The following LOXL2 variants were observed in gnomAD, a reference collection of about 807,000 sequenced individuals.
LOXL2 encodes the protein lysyl oxidase like 2.
LOXL2 carries 70 observed loss-of-function variants against 93.0 expected under a neutral mutation model. That is an observed-to-expected ratio of 0.75 (90% CI 0.62 to 0.92). The LOEUF (loss-of-function observed/expected upper bound fraction) is 0.92. Ranked by LOEUF, LOXL2 falls within the 40% of genes least tolerant of loss-of-function variation. LOXL2 has a pLI of 0.00. For missense variants in LOXL2, 973 were observed against 1,054.9 expected (o/e 0.92, Z 1.08); for synonymous variants, 438 against 413.2 (o/e 1.06, Z -0.73).
intron 12 of LOXL2, 95 bp downstream of exon 12, chr8:23,301,932 C>T: frequency 2.0e-6 from 3 of 1,491,860 alleles, no homozygotes; most frequent in South Asian, 1.2e-5. Flanking sequence ...AGCCTGACTT[C>T]CATGCCCCTG....
intron 1 of LOXL2, among the ~76,000 whole-genome samples, chr8:23,375,475 C>T (rs1455416170): frequency 6.6e-6 from 1 of 152,054 alleles, no homozygotes; most frequent in Non-Finnish European, 1.5e-5. Flanking sequence ...TTTTCCAATT[C>T]TGTGAAGAAA....
At chr8:23,387,748 G>A (rs1004034937) in intron 1 of LOXL2, among the ~76,000 whole-genome samples, 1 of 152,026 alleles carries the variant, frequency 6.6e-6, no homozygotes, top group Non-Finnish European at 1.5e-5. Flanking sequence ...TCAGGAGTTC[G>A]AGACCAGCCT....
intron 6 of LOXL2, among the ~76,000 whole-genome samples, chr8:23,322,817 C>T (rs1228430718): frequency 6.6e-6 from 1 of 152,206 alleles, no homozygotes; most frequent in East Asian, 1.9e-4. Context: ...GCATAGATAC[C>T]ACGCCCGTTA....
chr8:23,303,494 CA>C, intron 10 of LOXL2, 97 bp from the exon 11 acceptor site: 1 of 727,162 alleles, frequency 1.4e-6, no homozygotes, highest in Non-Finnish European at 2.4e-6. Context: ...GGAATACTTC[CA>C]GGGGACCAGA....
At chr8:23,400,409 G>A (rs146429591) in intron 1 of LOXL2, among the ~76,000 whole-genome samples, 210 of 151,816 alleles carry the variant, frequency 1.4e-3, no homozygotes, top group African/African-American at 4.4e-3. Context: ...CATATCTCAC[G>A]AGATTTACTT....
intron 4 of LOXL2, among the ~76,000 whole-genome samples, chr8:23,338,667 C>T (rs1172878177): frequency 6.6e-6 from 1 of 152,210 alleles, no homozygotes; most frequent in East Asian, 1.9e-4. Context: ...GGGAAAGGGA[C>T]ATGGGAAAGA....
intron 4 of LOXL2, among the ~76,000 whole-genome samples, chr8:23,339,643 G>C (rs1003907614): frequency 6.6e-6 from 1 of 152,186 alleles, no homozygotes; most frequent in Non-Finnish European, 1.5e-5. Context: ...TGCCAGGGAG[G>C]GGGTTTGCTT....
intron 1 of LOXL2, among the ~76,000 whole-genome samples, chr8:23,377,569 A>G (rs9774256): frequency 0.49 from 72,925 of 148,160 alleles, 18,523 homozygotes; most frequent in East Asian, 0.67. Context: ...ATTGTGTGGG[A>G]GTCTAAGTCT....
chr8:23,351,802 C>T (rs1479882139), intron 3 of LOXL2, among the ~76,000 whole-genome samples: 1 of 152,114 alleles, frequency 6.6e-6, no homozygotes, highest in African/African-American at 2.4e-5. Flanking sequence ...CATATAGACT[C>T]TTAGTAAATA....
intron 1 of LOXL2, among the ~76,000 whole-genome samples, chr8:23,377,638 A>G (rs899278678): frequency 9.9e-5 from 15 of 152,212 alleles, no homozygotes; most frequent in Non-Finnish European, 2.1e-4. Flanking sequence ...TTGGGTGCAT[A>G]TACATTTAAG....
intron 4 of LOXL2, among the ~76,000 whole-genome samples, chr8:23,334,009 C>T (rs1198147756): frequency 6.6e-6 from 1 of 152,198 alleles, no homozygotes; most frequent in Non-Finnish European, 1.5e-5. Context: ...ACCATGTTTA[C>T]CCTAACTCTT....
intron 3 of LOXL2, among the ~76,000 whole-genome samples, chr8:23,357,074 T>TTC (rs1225175542): frequency 9.8e-5 from 14 of 142,546 alleles, no homozygotes; most frequent in African/African-American, 3.3e-4. Context: ...TTCAGTCTTC[T>TTC]TTTTTTTTTT....
chr8:23,332,590 CA>C (rs1351808341), intron 5 of LOXL2, among the ~76,000 whole-genome samples: 7 of 114,814 alleles, frequency 6.1e-5, no homozygotes, highest in African/African-American at 2.0e-4. Flanking sequence ...ACATCCCCCC[CA>C]GACACCCCTC....
At chr8:23,348,694 G>A (rs1378305898) in intron 3 of LOXL2, among the ~76,000 whole-genome samples, 1 of 152,056 alleles carries the variant, frequency 6.6e-6, no homozygotes, top group Non-Finnish European at 1.5e-5. Context: ...CTGCTACCAC[G>A]GTGAAACCCC....
intron 1 of LOXL2, among the ~76,000 whole-genome samples, chr8:23,381,753 C>T (rs537533593): frequency 1.3e-4 from 20 of 152,290 alleles, no homozygotes; most frequent in South Asian, 1.0e-3. Context: ...TCTGGGTGAC[C>T]GCGCTGCCTC....
At chr8:23,302,602 C>A (rs1041687107) in intron 11 of LOXL2, among the ~76,000 whole-genome samples, 4 of 152,218 alleles carry the variant, frequency 2.6e-5, no homozygotes, top group Non-Finnish European at 5.9e-5. Context: ...GGTAAGAGGT[C>A]AACACCTGTC....
At chr8:23,378,098 T>C (rs9694908) in intron 1 of LOXL2, among the ~76,000 whole-genome samples, 7,059 of 152,294 alleles carry the variant, frequency 0.046, 521 homozygotes, top group African/African-American at 0.16. Context: ...TTTCCATGTT[T>C]AGTGCTTCCT....
Position 23,360,093 on chromosome 8 carries a change from T to G in LOXL2, c.528A>C (p.Ile176=), listed in dbSNP as rs145191527. 4.4e-6 allele frequency: 7 copies of G among 1,602,128 alleles called. No individual in the cohort carries two copies. The East Asian group carries it at 1.6e-4, about 36-fold the overall frequency. Residue 176 remains isoleucine, a synonymous_variant, in exon 3 of 14, where the codon ATA becomes ATC. Transcript: ENST00000389131. ...ACATCAAGAGCACATGACTTGCCTC[T>G]ATCTGGTTGATCAACGAATTGTCAA... ...FKFDNSLINQ[I]ENLNIQVEDI... is the part of the protein sequence containing the mutation.
intron 1 of LOXL2, among the ~76,000 whole-genome samples, chr8:23,377,123 G>A (rs1209428749): frequency 1.3e-5 from 2 of 152,184 alleles, no homozygotes; most frequent in Non-Finnish European, 2.9e-5. Flanking sequence ...GTGTACCAGA[G>A]ATTCTGGTAT....
Sources: allele counts gnomAD v4.1 joint callset (sites outside exome capture counted in the v4.1 genomes callset), GRCh38; gene constraint gnomAD v4.1.1; transcripts MANE v1.5; gene names NCBI Gene and HGNC (gene_info 2026-07-23, HGNC 2026-07-21).